MIA3: variants seen among roughly 807,000 people sequenced by gnomAD.
The protein encoded by MIA3 is MIA SH3 domain ER export factor 3, also known as transport and Golgi organization protein 1 homolog.
Under a neutral mutation model 192.4 loss-of-function variants are expected in MIA3, and 90 were observed. The ratio of observed to expected loss-of-function variants is 0.47; its 90% CI spans 0.39 to 0.56. MIA3 has a LOEUF of 0.56. MIA3 is among the 20% of genes least tolerant of loss of function. The probability of loss-of-function intolerance (pLI) is 0.00; values close to 1 mark genes in which losing one functional copy is unlikely to be tolerated. For missense variants in MIA3, 2,123 were observed against 2,269.4 expected, an observed-to-expected ratio of 0.94 and a Z score of 1.31; for synonymous variants, 740 against 792.8, an observed-to-expected ratio of 0.93 and a Z score of 1.12.
Position 222,627,622 on chromosome 1 carries a change from T to C in MIA3, c.402T>C (p.Asn134=). Reference sequence around the variant, plus strand: ...ATGGAGGAAGAGATGATTTTCATAATTATAATGTAGAAGAACTTTTAGGGT... The same window carrying C: ...ATGGAGGAAGAGATGATTTTCATAACTATAATGTAGAAGAACTTTTAGGGT... The part of the protein sequence containing the change: ...CFDGGRDDFH[N]YNVEELLGFL... Residue 134 remains asparagine (N), a synonymous_variant, in exon 4 of 28, where the codon AAT becomes AAC. Transcript: ENST00000344922. 6.3e-7 allele frequency: 1 copy of C among 1,584,902 alleles called. No individual in the cohort carries two copies. Among genetic ancestry groups the C allele is most frequent in the African/African-American group, 1.4e-5 (1 of 72,888 alleles).
rs1662193864 is a variant in MIA3 at position 222,627,909 on chromosome 1, T to C, written c.689T>C (p.Phe230Ser). 8 of 1,613,950 alleles carry C rather than the reference T, an allele frequency of 5.0e-6. No individual in the cohort carries two copies. In the East Asian group the frequency reaches 8.9e-5, roughly 18 times the overall value. The change falls in exon 4 of 28, where the codon TTT becomes TCT. Residue 230 changes from phenylalanine to serine, a missense_variant. Around this residue, in one of 3 missense-constraint regions of MIA3, gnomAD observed 1,357 missense variants for 1,396.1 expected, o/e 0.97. Transcript: ENST00000344922. The part of the protein sequence containing the change: ...AQGEQASFES[F>S]EEMLQDKLKV... ...GGAGAGCAGGCTTCATTTGAATCTTTTGAAGAAATGCTGCAAGATAAACTA... is the reference window on the plus strand; with the variant it reads ...GGAGAGCAGGCTTCATTTGAATCTTCTGAAGAAATGCTGCAAGATAAACTA...
Position 222,650,653 on chromosome 1 carries a change from A to G in MIA3, c.3740A>G (p.His1247Arg), listed in dbSNP as rs369155822. The change falls in exon 10 of 28, where the codon CAT becomes CGT. Residue 1247 changes from histidine to arginine, a missense_variant. His to Arg is a conservative substitution (Grantham distance 29, BLOSUM62 0). Transcript: ENST00000344922. ...ATATAGATCAAGGAATCAAAGAAAC[A>G]TGTTCAGGAAACCAGGAAACAAAAT... is the stretch of plus-strand genomic sequence containing the variant. ...YEQKIKESKKHVQETRKQNMI... is the reference protein window; with the variant it reads ...YEQKIKESKKRVQETRKQNMI... 4.1e-5 allele frequency: 65 copies of G among 1,593,314 alleles called. No homozygotes were observed. Among genetic ancestry groups the G allele is most frequent in the Non-Finnish European group, 5.0e-5 (58 of 1,167,046 alleles).
At chr1:222,644,660 C>T in intron 6 of MIA3, 3 of 1,461,416 alleles carry the variant, frequency 2.1e-6, no homozygotes, top group Non-Finnish European at 2.8e-6. Flanking sequence ...AGAGTGGGTG[C>T]ACTGATTGTC....
chr1:222,620,774 AC>A (rs1661818710), intron 1 of MIA3, among the ~76,000 whole-genome samples: 1 of 152,224 alleles, frequency 6.6e-6, no homozygotes, highest in Non-Finnish European at 1.5e-5. Flanking sequence ...GCTTGAATTT[AC>A]CCATTTGCAA....
chr1:222,662,195 C>A, intron 25 of MIA3, 58 bp from the exon 26 acceptor site: 1 of 1,591,286 alleles, frequency 6.3e-7, no homozygotes, highest in Non-Finnish European at 8.6e-7. Context: ...TTTTTTAATC[C>A]TCCTCACAGA....
Position 222,648,843 on chromosome 1 carries a change from A to G in MIA3, c.3624A>G (p.Val1208=). 6.9e-7 allele frequency: 1 copy of G among 1,447,462 alleles called. No homozygotes were observed. Among genetic ancestry groups the G allele is most frequent in the Non-Finnish European group, 9.6e-7 (1 of 1,036,978 alleles). 89.7% of individuals were successfully genotyped at this position (1,447,462 alleles called of 1,614,324 possible). ...WRTVLVVKDR[V]YQVTEQQISE... ...CTCTTTTCTAGGTGAAGGATAGAGT[A>G]TATCAAGGTAAATCTTTAGGCTTTT... Residue 1208 remains valine (V), a synonymous_variant, in exon 8 of 28, where the codon GTA becomes GTG. Transcript: ENST00000344922.
In MIA3 at chr1:222,627,786, G is replaced by A. The variant is rs769947908; in HGVS notation, c.566G>A (p.Ser189Asn). 3 of 1,613,772 alleles carry A rather than the reference G, an allele frequency of 1.9e-6. No homozygotes were observed. In the South Asian group the frequency reaches 3.3e-5, roughly 18 times the overall value. ...CCAGTAGAAGCCAACTCAGAGGAAA[G>A]TGATAGTGTATTCTCAGAAAACACT... ...PEPVEANSEE[S>N]DSVFSENTED... Residue 189 changes from serine to asparagine, a missense_variant, in exon 4 of 28, where the codon AGT becomes AAT. Physicochemically the swap from Ser to Asn is conservative, Grantham distance 46 (BLOSUM62 1). Transcript: ENST00000344922.
intron 24 of MIA3, 52 bp from the exon 25 acceptor site, chr1:222,662,004 T>C: frequency 6.8e-7 from 1 of 1,470,090 alleles, no homozygotes; most frequent in Non-Finnish European, 9.5e-7. Context: ...GTCCACAATT[T>C]ATTATTTCTT....
At chr1:222,646,329 C>T (rs905114137) in intron 7 of MIA3, among the ~76,000 whole-genome samples, 5 of 151,054 alleles carry the variant, frequency 3.3e-5, no homozygotes, top group African/African-American at 1.2e-4. Flanking sequence ...GGCAGAGAAT[C>T]GCTTGAACCT....
At chr1:222,648,642 T>G (rs536471483) in intron 7 of MIA3, among the ~76,000 whole-genome samples, 187 bp from the exon 8 acceptor site, 18 of 152,324 alleles carry the variant, frequency 1.2e-4, no homozygotes, top group African/African-American at 4.1e-4. Flanking sequence ...CCACAACATA[T>G]CACTACTGGT....
chr1:222,634,564 G>A (rs1662548299), intron 6 of MIA3, among the ~76,000 whole-genome samples: 1 of 152,162 alleles, frequency 6.6e-6, no homozygotes, highest in Admixed American at 6.5e-5. Context: ...GACATTTAAT[G>A]TCTAGAAGCT....
chr1:222,667,430 AT>A lies in MIA3; in HGVS notation c.*1814del, dbSNP rs1452241685. 4 of 152,356 alleles carry A rather than the reference AT, an allele frequency of 2.6e-5. No homozygotes were observed. The highest frequency in any genetic ancestry group is 4.1e-4 in the South Asian group (2 of 4,830). The allele number at this position is 152,356 out of a possible 1,614,324, so 9.4% of individuals were successfully genotyped here. On this transcript the variant is annotated 3_prime_UTR_variant, in exon 28 of 28. Coordinates refer to ENST00000344922, the MANE Select transcript of MIA3 (RefSeq NM_198551.4). The stretch of plus-strand genomic sequence containing the variant: ...AATATAATTTCTAATTTTAAATGTC[AT>A]TTAAGTGTAGATTATGCCATCTAGG...
chr1:222,642,992 C>T (rs1198419870), intron 6 of MIA3, among the ~76,000 whole-genome samples: 1 of 152,052 alleles, frequency 6.6e-6, no homozygotes, highest in Non-Finnish European at 1.5e-5. Flanking sequence ...TTACCATTGC[C>T]AAAGTTTGAT....
chr1:222,660,041 T>TCCC, intron 23 of MIA3, 35 bp downstream of exon 23: 1 of 1,590,100 alleles, frequency 6.3e-7, no homozygotes, highest in Non-Finnish European at 8.6e-7. Context: ...CAACAATCTG[T>TCCC]TTTTTGATGT....
At position 222,621,231 on chromosome 1, in the gene MIA3, G is replaced by A. The variant is rs1477539984; in HGVS notation, c.206G>A (p.Gly69Asp). Residue 69 changes from glycine to aspartate, a missense_variant, in exon 2 of 28, where the codon GGT becomes GAT. By Grantham distance (94) the Gly-to-Asp change is moderately conservative. Around this residue, in one of 3 missense-constraint regions of MIA3, gnomAD observed 1,357 missense variants for 1,396.1 expected, o/e 0.97. Transcript: ENST00000344922. ...PDCRFVNFKK[G>D]DPVYVYYKLA... ...TGTCGTTTTGTGAATTTTAAAAAAG[G>A]TGATCCTGTATATGTTTACTATAAA... The A allele has an allele frequency of 1.9e-6, 3 of 1,613,826 alleles. No individual in the cohort carries two copies. Among genetic ancestry groups the A allele is most frequent in the Non-Finnish European group, 1.7e-6 (2 of 1,179,918 alleles).
At position 222,665,976 on chromosome 1, in the gene MIA3, TTAGTG is replaced by T. The variant is rs1664263192; in HGVS notation, c.*360_*364del. ...AACATGTATTTCCATTATCCTATTT[TTAGTG>T]TACACCAGCTGAATACGGAGCAATG... is the stretch of plus-strand genomic sequence containing the variant. On this transcript the variant is annotated 3_prime_UTR_variant, in exon 28 of 28. Coordinates refer to ENST00000344922, the MANE Select transcript of MIA3 (RefSeq NM_198551.4). 1 of 169,062 alleles carries T rather than the reference TTAGTG, an allele frequency of 5.9e-6. No individual in the cohort carries two copies. Among genetic ancestry groups the T allele is most frequent in the Admixed American group, 6.3e-5 (1 of 15,758 alleles). 10.5% of individuals were successfully genotyped at this position (169,062 alleles called of 1,614,324 possible).
rs1220306936 is a variant in MIA3, at chr1:222,666,349, A to G, written c.*730A>G. Reference sequence around the variant, plus strand: ...TGTATAGCATTCACATGCTTTCTTTACGATCCTCATTGTCTATTTGAGAAT... The same window carrying G: ...TGTATAGCATTCACATGCTTTCTTTGCGATCCTCATTGTCTATTTGAGAAT... On this transcript the variant is annotated 3_prime_UTR_variant, in exon 28 of 28. Coordinates refer to ENST00000344922, the MANE Select transcript of MIA3 (RefSeq NM_198551.4). 2 of 152,104 alleles carry G rather than the reference A, an allele frequency of 1.3e-5. No homozygotes were observed. The highest frequency in any genetic ancestry group is 4.8e-5 in the African/African-American group (2 of 41,404). The allele number at this position is 152,104 out of a possible 1,614,324, so 9.4% of individuals were successfully genotyped here.
Position 222,627,895 on chromosome 1 carries a change from T to C in MIA3, c.675T>C (p.Ala225=). The C allele has an allele frequency of 6.2e-7, 1 of 1,614,086 alleles. No homozygotes were observed. Among genetic ancestry groups the C allele is most frequent in the Non-Finnish European group, 8.5e-7 (1 of 1,180,010 alleles). Residue 225 remains alanine (A), a synonymous_variant, in exon 4 of 28, where the codon GCT becomes GCC. Transcript: ENST00000344922. ...CAAATCATGCTCAGGGAGAGCAGGC[T>C]TCATTTGAATCTTTTGAAGAAATGC... ...SQANHAQGEQ[A]SFESFEEMLQ...
In MIA3 at chr1:222,648,759, G is replaced by A. The variant is rs780108783; in HGVS notation, c.3610-70G>A. Reference sequence around the variant, plus strand: ...TCATTTGGTTACAATTCTGACAGTTGTATTAGAAACTATATACATCTATTA... The same window carrying A: ...TCATTTGGTTACAATTCTGACAGTTATATTAGAAACTATATACATCTATTA... On this transcript the variant is annotated intron_variant, in intron 7 of 27. Transcript: ENST00000344922. The A allele has an allele frequency of 3.5e-4, 310 of 886,216 alleles. 7 individuals carry two copies. Among genetic ancestry groups the A allele is most frequent in the South Asian group, 2.0e-3 (133 of 67,940 alleles). 54.9% of individuals were successfully genotyped at this position (886,216 alleles called of 1,614,324 possible).
Sources: allele counts gnomAD v4.1 joint callset (sites outside exome capture counted in the v4.1 genomes callset), GRCh38; gene constraint gnomAD v4.1.1; regional missense constraint gnomAD v4.1.1; transcripts MANE v1.5; gene names NCBI Gene and HGNC (gene_info 2026-07-23, HGNC 2026-07-21).